GLIS3: variants seen among roughly 807,000 people sequenced by gnomAD.
GLIS3 encodes GLIS family zinc finger 3.
GLIS3 carries 53 observed loss-of-function variants against 78.6 expected under a neutral mutation model. That is an observed-to-expected ratio of 0.67 (90% CI 0.54 to 0.85). The LOEUF (loss-of-function observed/expected upper bound fraction) is 0.85, where lower values mean the gene tolerates loss of function less well. Among genes scored for constraint, GLIS3 ranks in the 40% least tolerant of loss-of-function variants. GLIS3 has a pLI of 0.00. For missense variants in GLIS3, 1,703 were observed against 1,231.1 expected, an observed-to-expected ratio of 1.38 and a Z score of -5.74; for synonymous variants, 684 against 509.9, an observed-to-expected ratio of 1.34 and a Z score of -4.60.
intron 4 of GLIS3, among the ~76,000 whole-genome samples, chr9:4,098,043 C>G (rs1249968485): frequency 3.3e-5 from 5 of 152,154 alleles, no homozygotes; most frequent in African/African-American, 7.2e-5. Context: ...CAGCATCACA[C>G]TGAAAGGCAC....
chr9:4,479,843 G>T, the GLIS3 span, among the ~76,000 whole-genome samples: 22 of 150,966 alleles, frequency 1.5e-4, no homozygotes, highest in East Asian at 4.1e-3. Flanking sequence ...GACCACCATC[G>T]CTTCTCCTGT....
At chr9:4,422,581 C>G in the GLIS3 span, among the ~76,000 whole-genome samples, 1 of 152,238 alleles carries the variant, frequency 6.6e-6, no homozygotes, top group African/African-American at 2.4e-5. Context: ...TTACATATCT[C>G]TCCTGTGCTA....
intron 4 of GLIS3, among the ~76,000 whole-genome samples, chr9:4,007,817 G>T (rs528720729): frequency 6.8e-6 from 1 of 147,130 alleles, no homozygotes; most frequent in East Asian, 2.1e-4. Flanking sequence ...ATCAGGACTT[G>T]GGTAGCAATC....
chr9:4,250,720 A>C (rs1353065978), intron 2 of GLIS3, among the ~76,000 whole-genome samples: 1 of 152,136 alleles, frequency 6.6e-6, no homozygotes, highest in African/African-American at 2.4e-5. Context: ...TCAATTTTAA[A>C]TCTTTCCCAC....
At chr9:4,471,726 C>T in the GLIS3 span, among the ~76,000 whole-genome samples, 1 of 152,170 alleles carries the variant, frequency 6.6e-6, no homozygotes, top group Non-Finnish European at 1.5e-5. Context: ...ACACCAAAAG[C>T]AATGGCAACA....
Position 4,319,399 on chromosome 9 carries a change from G to A in GLIS3, n.265-8871C>T, listed in dbSNP as rs538005294. Among the ~76,000 whole-genome samples, 10 of 152,296 alleles carry A rather than the reference G, an allele frequency of 6.6e-5. No individual in the cohort carries two copies. In the South Asian group the frequency reaches 2.1e-3, roughly 32 times the overall value. The stretch of plus-strand genomic sequence containing the variant: ...TAACAACTGGTGAATCTGGGTGAAG[G>A]TACATGGAAGCTCATTATTCTATTC... On this transcript the variant is annotated intron_variant and non_coding_transcript_variant, in intron 2 of 4. Coordinates refer to the GLIS3 transcript ENST00000471664.
chr9:4,272,815 C>A (rs1237551089), intron 2 of GLIS3, among the ~76,000 whole-genome samples: 1 of 152,114 alleles, frequency 6.6e-6, no homozygotes, highest in Non-Finnish European at 1.5e-5. Flanking sequence ...ATGAAACTTT[C>A]CCCAAATGTC....
At chr9:3,987,563 G>A (rs532353385) in intron 4 of GLIS3, among the ~76,000 whole-genome samples, 15 of 151,288 alleles carry the variant, frequency 9.9e-5, no homozygotes, top group African/African-American at 2.2e-4. Context: ...TTAGCTGGGC[G>A]TTGTGGTGGG....
At chr9:4,089,246 A>G (rs949848267) in intron 4 of GLIS3, among the ~76,000 whole-genome samples, 1 of 152,196 alleles carries the variant, frequency 6.6e-6, no homozygotes, top group African/African-American at 2.4e-5. Context: ...CAGTACTAAC[A>G]AGACACGTAT....
the GLIS3 span, among the ~76,000 whole-genome samples, chr9:4,445,443 A>G: frequency 1.3e-5 from 2 of 152,276 alleles, no homozygotes; most frequent in African/African-American, 4.8e-5. Context: ...CCTGGGCAAC[A>G]TAGTGGGACC....
At chr9:4,316,725 C>T (rs1405000370) in intron 2 of GLIS3, among the ~76,000 whole-genome samples, 1 of 152,168 alleles carries the variant, frequency 6.6e-6, no homozygotes, top group African/African-American at 2.4e-5. Context: ...CCCTGAGCTG[C>T]TGGGATAAGC....
At chr9:4,408,596 G>A in the GLIS3 span, among the ~76,000 whole-genome samples, 255 of 148,942 alleles carry the variant, frequency 1.7e-3, no homozygotes, top group Non-Finnish European at 2.4e-3. Context: ...GCGCGGTGGC[G>A]GGCGCCTGTA....
At chr9:4,189,626 T>C (rs1056069624) in intron 2 of GLIS3, among the ~76,000 whole-genome samples, 8 of 152,114 alleles carry the variant, frequency 5.3e-5, no homozygotes, top group African/African-American at 1.9e-4. Flanking sequence ...TGTGTGGGAG[T>C]CTAAGTCTCT....
At chr9:4,082,648 G>A (rs1041203902) in intron 4 of GLIS3, among the ~76,000 whole-genome samples, 1 of 152,140 alleles carries the variant, frequency 6.6e-6, no homozygotes, top group Non-Finnish European at 1.5e-5. Flanking sequence ...AAGGATTCAC[G>A]AAACTTTGAT....
the GLIS3 span, among the ~76,000 whole-genome samples, chr9:4,414,639 A>C: frequency 6.6e-6 from 1 of 152,134 alleles, no homozygotes; most frequent in East Asian, 1.9e-4. Flanking sequence ...ACAAGGATTC[A>C]TTGCTTGACC....
chr9:4,337,942 C>G (rs1401379940), intron 2 of GLIS3, among the ~76,000 whole-genome samples: 3 of 151,860 alleles, frequency 2.0e-5, no homozygotes, highest in Non-Finnish European at 4.4e-5. Flanking sequence ...GCTTATGTGA[C>G]CAAGCAGGAG....
At chr9:4,368,640 T>C in the GLIS3 span, among the ~76,000 whole-genome samples, 84 of 152,318 alleles carry the variant, frequency 5.5e-4, no homozygotes, top group Admixed American at 2.1e-3. Context: ...CGTGAGCCAC[T>C]GCGCCCGGCC....
At chr9:3,979,370 T>C (rs772777480) in intron 4 of GLIS3, among the ~76,000 whole-genome samples, 2 of 152,212 alleles carry the variant, frequency 1.3e-5, no homozygotes, top group Non-Finnish European at 2.9e-5. Flanking sequence ...TGACTCCTCA[T>C]AGACAGGACT....
chr9:4,169,635 T>A (rs910953165), intron 2 of GLIS3, among the ~76,000 whole-genome samples: 2 of 152,196 alleles, frequency 1.3e-5, no homozygotes, highest in Admixed American at 6.5e-5. Flanking sequence ...GTTAAGAGAA[T>A]AACTTGCATA....
Sources: gnomAD v4.1 joint callset for allele counts (sites outside exome capture counted in the v4.1 genomes callset) on GRCh38, gnomAD v4.1.1 for gene constraint, MANE v1.5 for transcripts, NCBI Gene and HGNC (gene_info 2026-07-23, HGNC 2026-07-21) for gene names.